The following CACNA1C variants were observed in gnomAD, a reference collection of about 807,000 sequenced individuals.
The protein encoded by CACNA1C is calcium voltage-gated channel subunit alpha1 C.
In CACNA1C, 30 loss-of-function variants were observed where a neutral mutation model predicts 229.0. The observed-to-expected ratio is 0.13, with a 90% CI of 0.10 to 0.18. CACNA1C has a LOEUF of 0.18. Among genes scored for constraint, CACNA1C ranks in the 10% least tolerant of loss-of-function variants. The pLI is 1.00. For synonymous variants in CACNA1C, 1,114 were observed against 1,132.5 expected, an observed-to-expected ratio of 0.98 and a Z score of 0.33; for missense variants, 1,658 against 2,845.0, an observed-to-expected ratio of 0.58 and a Z score of 9.49.
intron 3 of CACNA1C, among the ~76,000 whole-genome samples, chr12:2,206,929 TTATA>T (rs2154331908): frequency 6.6e-6 from 1 of 152,346 alleles, no homozygotes; most frequent in South Asian, 2.1e-4. Context: ...AAGCTGCTGT[TTATA>T]TAGGAAATTA....
At chr12:2,686,114 G>T in intron 44 of CACNA1C, 52 bp from the exon 45 acceptor site, 4 of 1,408,528 alleles carry the variant, frequency 2.8e-6, no homozygotes, top group South Asian at 2.3e-5. Flanking sequence ...ACTGTCACAG[G>T]CCAGTGCCCT....
chr12:2,057,299 C>G (rs970577596), intron 1 of CACNA1C, among the ~76,000 whole-genome samples: 4 of 152,212 alleles, frequency 2.6e-5, no homozygotes, highest in African/African-American at 7.2e-5. Context: ...TCCAGGGCCT[C>G]GATGCAAGGC....
intron 3 of CACNA1C, among the ~76,000 whole-genome samples, chr12:2,141,975 CTCCTT>C (rs1189934398): frequency 2.0e-5 from 3 of 151,198 alleles, no homozygotes; most frequent in Admixed American, 6.7e-5. Context: ...AGGGTATCCT[CTCCTT>C]TCCAGCATTC....
At chr12:2,509,385 C>T (rs2099778548) in intron 8 of CACNA1C, among the ~76,000 whole-genome samples, 1 of 152,138 alleles carries the variant, frequency 6.6e-6, no homozygotes, top group Non-Finnish European at 1.5e-5. Context: ...CATAAAGTCA[C>T]CACAAACATG....
intron 3 of CACNA1C, among the ~76,000 whole-genome samples, chr12:2,341,077 G>A (rs940621113): frequency 1.3e-5 from 2 of 152,226 alleles, no homozygotes; most frequent in African/African-American, 4.8e-5. Flanking sequence ...TTGGTCGAAA[G>A]CCCTGGTCCA....
At chr12:2,508,061 A>T (rs893531726) in intron 8 of CACNA1C, among the ~76,000 whole-genome samples, 5 of 152,262 alleles carry the variant, frequency 3.3e-5, no homozygotes, top group African/African-American at 1.2e-4. Context: ...AGAGGCCTGC[A>T]GCAGGGCTGG....
intron 3 of CACNA1C, among the ~76,000 whole-genome samples, chr12:2,132,025 C>T (rs1333321918): frequency 1.7e-5 from 2 of 114,850 alleles, no homozygotes; most frequent in Non-Finnish European, 1.8e-5. Flanking sequence ...CTTCACAACC[C>T]TTGTAAGTTG....
At chr12:2,300,979 G>T (rs1410480552) in intron 3 of CACNA1C, among the ~76,000 whole-genome samples, 4 of 152,212 alleles carry the variant, frequency 2.6e-5, no homozygotes, top group Admixed American at 2.6e-4. Flanking sequence ...GAGGGTCCCT[G>T]TTGTCCTGGA....
intron 1 of CACNA1C, among the ~76,000 whole-genome samples, chr12:2,106,610 C>T (rs1345883655): frequency 9.0e-6 from 1 of 110,916 alleles, no homozygotes; most frequent in East Asian, 3.0e-4. Flanking sequence ...GGGTTTCCAC[C>T]TCAGCTGGGC....
chr12:2,292,037 T>C (rs562784457), intron 3 of CACNA1C, among the ~76,000 whole-genome samples: 22 of 152,340 alleles, frequency 1.4e-4, no homozygotes, highest in Admixed American at 4.6e-4. Flanking sequence ...TGAGCTGAGC[T>C]GTCAGTGAGA....
intron 9 of CACNA1C, among the ~76,000 whole-genome samples, chr12:2,534,885 TA>T (rs2099849489): frequency 6.6e-6 from 1 of 152,206 alleles, no homozygotes; most frequent in South Asian, 2.1e-4. Context: ...CTGTTCTCTA[TA>T]AGTGACACAA....
intron 3 of CACNA1C, among the ~76,000 whole-genome samples, chr12:2,221,969 G>A (rs1029671225): frequency 6.6e-6 from 1 of 152,090 alleles, no homozygotes; most frequent in African/African-American, 2.4e-5. Flanking sequence ...AATTTTATAA[G>A]ATATATAACC....
chr12:2,196,436 G>A (rs1455873805), intron 3 of CACNA1C, among the ~76,000 whole-genome samples: 1 of 152,240 alleles, frequency 6.6e-6, no homozygotes, highest in Admixed American at 6.5e-5. Context: ...TTTTCACACA[G>A]AAGTAATTTA....
At chr12:2,582,113 A>C (rs556139075) in intron 14 of CACNA1C, among the ~76,000 whole-genome samples, 3 of 151,758 alleles carry the variant, frequency 2.0e-5, no homozygotes. Flanking sequence ...ACTCTAGCCT[A>C]GGTGACGGAG....
In CACNA1C at chr12:2,322,726, T is replaced by C. The variant is rs550151743; in HGVS notation, c.478-126250T>C. On this transcript the variant is annotated intron_variant, in intron 3 of 46. Transcript: ENST00000399655. ...ACCATGCCGCGTTGCACGGCAGTTATGCTGTGGCATTGCCACCTGCCAGCT... is the reference window on the plus strand; with the variant it reads ...ACCATGCCGCGTTGCACGGCAGTTACGCTGTGGCATTGCCACCTGCCAGCT... Among the ~76,000 whole-genome samples the C allele has an allele frequency of 6.2e-4, 94 of 152,242 alleles. 1 individual carries two copies. Among genetic ancestry groups the C allele is most frequent in the Non-Finnish European group, 1.2e-3 (80 of 68,046 alleles).
chr12:2,237,556 A>G (rs908965977), intron 3 of CACNA1C, among the ~76,000 whole-genome samples: 42 of 152,200 alleles, frequency 2.8e-4, no homozygotes, highest in African/African-American at 9.9e-4. Context: ...GATGCTTCAG[A>G]GTGTTGTATT....
intron 1 of CACNA1C, chr12:1,993,477 C>T: frequency 6.6e-7 from 1 of 1,509,550 alleles, no homozygotes; most frequent in Non-Finnish European, 8.9e-7. Flanking sequence ...TCTGATGTGT[C>T]TCTCAACCTT....
intron 3 of CACNA1C, among the ~76,000 whole-genome samples, chr12:2,183,650 C>T (rs930878149): frequency 2.0e-5 from 3 of 152,134 alleles, no homozygotes; most frequent in Non-Finnish European, 2.9e-5. Flanking sequence ...TATGTGCTAG[C>T]GGGCACAGAG....
Position 2,478,980 on chromosome 12 carries a change from G to A in CACNA1C, c.758-7124G>A, listed in dbSNP as rs372491217. 4.9e-4 allele frequency among the ~76,000 whole-genome samples: 75 copies of A among 152,280 alleles called. No homozygotes were observed. In the Middle Eastern group the frequency reaches 0.014, roughly 28 times the overall value. ...CGCCTGTCTCTCTCATTACAGAAGG[G>A]AGAGACTCTCCGATAGTATTTTCTC... On this transcript the variant is annotated intron_variant, in intron 5 of 46. Coordinates refer to ENST00000399655, the MANE Select transcript of CACNA1C (RefSeq NM_000719.7).
Sources: gnomAD v4.1 joint callset for allele counts (sites outside exome capture counted in the v4.1 genomes callset) on GRCh38, gnomAD v4.1.1 for gene constraint, MANE v1.5 for transcripts, NCBI Gene and HGNC (gene_info 2026-07-23, HGNC 2026-07-21) for gene names.